Variants in NYAP2 observed in about 807,000 individuals in gnomAD.
The protein encoded by NYAP2 is neuronal tyrosine-phosphorylated phosphoinositide-3-kinase adapter 2.
NYAP2 carries 23 observed loss-of-function variants against 50.4 expected under a neutral mutation model. The ratio of observed to expected loss-of-function variants is 0.46; its 90% CI spans 0.33 to 0.65. The LOEUF (loss-of-function observed/expected upper bound fraction) is 0.65, where lower values mean the gene tolerates loss of function less well. Ranked by LOEUF, NYAP2 falls within the 30% of genes least tolerant of loss-of-function variation. The pLI is 0.02. For missense variants in NYAP2, 885 were observed against 861.0 expected (o/e 1.03, Z -0.35); for synonymous variants, 394 against 365.2 (o/e 1.08, Z -0.90).
At chr2:225,632,830 A>AC (rs925381046) in intron 6 of NYAP2, among the ~76,000 whole-genome samples, 24 of 152,216 alleles carry the variant, frequency 1.6e-4, no homozygotes, top group Non-Finnish European at 3.1e-4. Context: ...CCTACCCCCC[A>AC]CAGACTGTAA....
intron 2 of NYAP2, among the ~76,000 whole-genome samples, chr2:225,403,163 A>C (rs1247524680): frequency 6.6e-6 from 1 of 151,976 alleles, no homozygotes; most frequent in Non-Finnish European, 1.5e-5. Context: ...TACTACTAGA[A>C]AAAAAGTAGG....
chr2:225,687,963 A>G, the NYAP2 span, among the ~76,000 whole-genome samples: 1 of 152,198 alleles, frequency 6.6e-6, no homozygotes, highest in Non-Finnish European at 1.5e-5. Flanking sequence ...TAATAAAACT[A>G]TAACTGCTTA....
chr2:225,482,273 T>G (rs1338159500), intron 3 of NYAP2, among the ~76,000 whole-genome samples: 1 of 152,112 alleles, frequency 6.6e-6, no homozygotes, highest in Non-Finnish European at 1.5e-5. Flanking sequence ...GGGGCCATTT[T>G]GTTGGGCTGC....
At chr2:225,454,040 A>G (rs1689696571) in intron 3 of NYAP2, among the ~76,000 whole-genome samples, 1 of 152,088 alleles carries the variant, frequency 6.6e-6, no homozygotes, top group African/African-American at 2.4e-5. Flanking sequence ...TTTTGAGGCC[A>G]GGAGTGGTGG....
chr2:225,612,529 A>G (rs1040394575), intron 5 of NYAP2, among the ~76,000 whole-genome samples: 5 of 151,934 alleles, frequency 3.3e-5, no homozygotes, highest in Non-Finnish European at 5.9e-5. Flanking sequence ...ACAAAATACC[A>G]TTGAGTGGGT....
intron 3 of NYAP2, among the ~76,000 whole-genome samples, chr2:225,507,063 T>C (rs1043212199): frequency 1.1e-4 from 16 of 152,232 alleles, no homozygotes; most frequent in Admixed American, 6.5e-4. Flanking sequence ...AGCAAACTCC[T>C]AGGCAACCCT....
intron 3 of NYAP2, among the ~76,000 whole-genome samples, chr2:225,456,105 A>T (rs778972727): frequency 1.2e-4 from 18 of 152,218 alleles, no homozygotes; most frequent in Non-Finnish European, 7.3e-5. Context: ...CAGTTCTCAG[A>T]TGAAAGACAT....
intron 4 of NYAP2, among the ~76,000 whole-genome samples, chr2:225,536,094 C>G (rs2106200198): frequency 6.6e-6 from 1 of 152,284 alleles, no homozygotes; most frequent in South Asian, 2.1e-4. Flanking sequence ...GCTATTTCAT[C>G]AAATAAATAA....
intron 3 of NYAP2, among the ~76,000 whole-genome samples, chr2:225,466,784 G>A (rs760811621): frequency 1.3e-5 from 2 of 152,154 alleles, no homozygotes; most frequent in Non-Finnish European, 2.9e-5. Flanking sequence ...ATTTGTATTT[G>A]GTATTGTTAC....
chr2:225,579,335 A>G (rs1386855778), intron 4 of NYAP2, among the ~76,000 whole-genome samples: 3 of 152,148 alleles, frequency 2.0e-5, no homozygotes, highest in African/African-American at 7.2e-5. Context: ...CATAAGAGCC[A>G]TATGTTATAT....
chr2:225,689,245 C>T, the NYAP2 span, among the ~76,000 whole-genome samples: 2 of 152,066 alleles, frequency 1.3e-5, no homozygotes, highest in African/African-American at 4.8e-5. Context: ...ATTTTACAGG[C>T]AGAGAAAATG....
At chr2:225,407,120 G>A (rs1694954628) in intron 2 of NYAP2, among the ~76,000 whole-genome samples, 1 of 151,962 alleles carries the variant, frequency 6.6e-6, no homozygotes, top group African/African-American at 2.4e-5. Context: ...TTTTATCCAG[G>A]CACTCCTAGT....
intron 6 of NYAP2, among the ~76,000 whole-genome samples, chr2:225,648,158 G>A (rs1048498545): frequency 1.3e-5 from 2 of 151,948 alleles, no homozygotes; most frequent in East Asian, 1.9e-4. Context: ...CCGCCACCAC[G>A]CCCAGCAAAT....
intron 3 of NYAP2, among the ~76,000 whole-genome samples, chr2:225,502,114 T>G (rs1236235007): frequency 6.6e-6 from 1 of 152,200 alleles, no homozygotes; most frequent in Non-Finnish European, 1.5e-5. Flanking sequence ...CAAAGGGTTT[T>G]AATTTAGAGA....
rs1202722705 is a variant in NYAP2 at position 225,597,182 on chromosome 2, T to A, written c.1618+14147T>A. On this transcript the variant is annotated intron_variant, in intron 5 of 6. Coordinates refer to ENST00000636099, the Ensembl canonical transcript of NYAP2. ...TTTCCATAGGTTTTGGGGAAACAGG[T>A]GGTGTTGGTTATGTGAATAAGTCCT... Among the ~76,000 whole-genome samples the A allele has an allele frequency of 4.6e-5, 7 of 151,994 alleles. No individual in the cohort carries two copies. In the East Asian group the frequency reaches 1.4e-3, roughly 30 times the overall value.
At chr2:225,606,239 G>A (rs1692784545) in intron 5 of NYAP2, among the ~76,000 whole-genome samples, 1 of 152,070 alleles carries the variant, frequency 6.6e-6, no homozygotes, top group Non-Finnish European at 1.5e-5. Context: ...CAATGTTGTG[G>A]CTGTGCGGTG....
At chr2:225,584,917 C>T (rs1267458458) in intron 5 of NYAP2, among the ~76,000 whole-genome samples, 2 of 152,180 alleles carry the variant, frequency 1.3e-5, no homozygotes, top group African/African-American at 4.8e-5. Flanking sequence ...GGCAATTTGT[C>T]CCCTGGGATA....
At chr2:225,444,181 T>C (rs1689515317) in intron 3 of NYAP2, among the ~76,000 whole-genome samples, 1 of 152,196 alleles carries the variant, frequency 6.6e-6, no homozygotes, top group African/African-American at 2.4e-5. Flanking sequence ...TACAAGCCGA[T>C]GATTCCCAGA....
chr2:225,565,248 T>G (rs1158097828), intron 4 of NYAP2, among the ~76,000 whole-genome samples: 2 of 152,204 alleles, frequency 1.3e-5, no homozygotes, highest in South Asian at 2.1e-4. Context: ...AAAACTCACT[T>G]AAGGGAAATC....
Sources: gnomAD v4.1 joint callset for allele counts (sites outside exome capture counted in the v4.1 genomes callset) on GRCh38, gnomAD v4.1.1 for gene constraint, MANE v1.5 for transcripts, NCBI Gene and HGNC (gene_info 2026-07-23, HGNC 2026-07-21) for gene names.